The following BRSK1 variants were observed in gnomAD, a reference collection of about 807,000 sequenced individuals.
The protein encoded by BRSK1 is serine/threonine-protein kinase BRSK1.
Under a neutral mutation model 86.2 loss-of-function variants are expected in BRSK1, and 17 were observed. The ratio of observed to expected loss-of-function variants is 0.20; its 90% CI spans 0.14 to 0.30. The LOEUF (loss-of-function observed/expected upper bound fraction) is 0.30, where lower values mean the gene tolerates loss of function less well. Ranked by LOEUF, BRSK1 falls within the 10% of genes least tolerant of loss-of-function variation. The pLI, the probability that BRSK1 is intolerant of heterozygous loss-of-function variation, is 1.00. For missense variants in BRSK1, 719 were observed against 1,071.9 expected (o/e 0.67, Z 4.60); for synonymous variants, 464 against 440.1 (o/e 1.05, Z -0.68).
In BRSK1 at chr19:55,312,125, A is replaced by C; in HGVS notation, c.*57A>C. The C allele has an allele frequency of 1.4e-6, 1 of 717,710 alleles. No individual in the cohort carries two copies. The highest frequency in any genetic ancestry group is 2.2e-6 in the Non-Finnish European group (1 of 451,826). 44.5% of individuals were successfully genotyped at this position (717,710 alleles called of 1,614,324 possible). On this transcript the variant is annotated 3_prime_UTR_variant, in exon 19 of 19. Coordinates refer to ENST00000309383, the MANE Select transcript of BRSK1 (RefSeq NM_032430.2). ...CTCCACCCCCCTTCCGTGCCCCCCA[A>C]CTGTGAATCTGTAAATAAGGCCCAA...
At position 55,310,239 on chromosome 19, in the gene BRSK1, G is replaced by A. The variant is rs1034991697; in HGVS notation, c.2179+1511G>A. On this transcript the variant is annotated intron_variant, in intron 18 of 18. Coordinates refer to ENST00000309383, the MANE Select transcript of BRSK1 (RefSeq NM_032430.2). This position sits in a 1 kb window ranked among gnomAD's most constrained non-coding sequence, Gnocchi z 5.0. ...GTCTCTGCAGGCTAACAGGGTGCCT[G>A]GAGGGCTGCACCTGGAGGCTCTCTG... 2.7e-4 allele frequency among the ~76,000 whole-genome samples: 41 copies of A among 152,206 alleles called. No homozygotes were observed. Among genetic ancestry groups the A allele is most frequent in the African/African-American group, 8.7e-4 (36 of 41,444 alleles).
chr19:55,291,451 G>A (rs2088404752), intron 4 of BRSK1, among the ~76,000 whole-genome samples: 2 of 152,172 alleles, frequency 1.3e-5, no homozygotes. Flanking sequence ...AGCTGTGGTA[G>A]GAGGATTGCT....
intron 4 of BRSK1, among the ~76,000 whole-genome samples, chr19:55,290,371 T>C (rs1394029395): frequency 6.6e-6 from 1 of 152,200 alleles, no homozygotes; most frequent in Non-Finnish European, 1.5e-5. Flanking sequence ...AACAATTTTT[T>C]ATTCTAGGAA....
Position 55,303,971 on chromosome 19 carries a change from CTG to C in BRSK1, c.1287-77_1287-76del. 3 of 1,533,230 alleles carry C rather than the reference CTG, an allele frequency of 2.0e-6. No individual in the cohort carries two copies. The highest frequency in any genetic ancestry group is 2.6e-6 in the Non-Finnish European group (3 of 1,135,652). 95.0% of individuals were successfully genotyped at this position (1,533,230 alleles called of 1,614,324 possible). On this transcript the variant is annotated intron_variant, in intron 12 of 18. Coordinates refer to ENST00000309383, the MANE Select transcript of BRSK1 (RefSeq NM_032430.2). This position sits in a 1 kb window ranked among gnomAD's most constrained non-coding sequence, Gnocchi z 5.1. ...GGCCTCATTTCCTCACCTGGAAGGA[CTG>C]TAGAAGTGAGGGAACATCTGTGGTT...
At chr19:55,307,986 G>A (rs928890519) in intron 17 of BRSK1, among the ~76,000 whole-genome samples, 2 of 150,200 alleles carry the variant, frequency 1.3e-5, no homozygotes, top group Non-Finnish European at 3.0e-5. Flanking sequence ...GACTTTCTCC[G>A]ATTTCTTTTT....
intron 7 of BRSK1, among the ~76,000 whole-genome samples, chr19:55,295,974 A>G (rs2088480840): frequency 6.6e-6 from 1 of 152,048 alleles, no homozygotes; most frequent in Admixed American, 6.6e-5. Flanking sequence ...ATCTAAAAAT[A>G]TATATATATA....
Position 55,294,990 on chromosome 19 carries a change from C to T in BRSK1, c.678+593C>T, listed in dbSNP as rs531452272. On this transcript the variant is annotated intron_variant, in intron 7 of 18. Coordinates refer to ENST00000309383, the MANE Select transcript of BRSK1 (RefSeq NM_032430.2). The surrounding 1 kb of genome is among the most constrained non-coding windows in gnomAD (Gnocchi z 4.9). ...CTAATTTTTGTATCTTTAGTAGAGA[C>T]GGGGTTTCACCATGTTGGCCAGGTT... Among the ~76,000 whole-genome samples the T allele has an allele frequency of 3.3e-5, 5 of 152,212 alleles. No individual in the cohort carries two copies. Among genetic ancestry groups the T allele is most frequent in the Middle Eastern group, 3.4e-3 (1 of 294 alleles).
Position 55,284,088 on chromosome 19 carries a change from G to C in BRSK1, c.-355G>C. 1.8e-6 allele frequency: 1 copy of C among 551,776 alleles called. No homozygotes were observed. Among genetic ancestry groups the C allele is most frequent in the Non-Finnish European group, 2.7e-6 (1 of 367,094 alleles). The allele number at this position is 551,776 out of a possible 1,614,324, so 34.2% of individuals were successfully genotyped here. On this transcript the variant is annotated 5_prime_UTR_variant, in exon 1 of 19. Transcript: ENST00000309383. ...GGCGGAGGAGAGAGGGCGCGTGGGG[G>C]GGCGGGGGGGACCTCGGCCTGCAGC...
chr19:55,284,666 G>C lies in BRSK1; in HGVS notation c.136+88G>C, dbSNP rs535930995. 15 of 1,146,570 alleles carry C rather than the reference G, an allele frequency of 1.3e-5. No homozygotes were observed. In the East Asian group the frequency reaches 4.8e-4, roughly 37 times the overall value. 71.0% of individuals were successfully genotyped at this position (1,146,570 alleles called of 1,614,324 possible). A position where few individuals can be genotyped will look rare whatever the true frequency, so the allele number is the denominator to read the frequency against. On this transcript the variant is annotated intron_variant, in intron 1 of 18. Transcript: ENST00000309383. The stretch of plus-strand genomic sequence containing the variant: ...GACTCAGGGTATTCAAATGGCAGGG[G>C]CTGGCTGCCCAGACCCCTGGGCCCC...
At position 55,302,182 on chromosome 19, in the gene BRSK1, A is replaced by G. The variant is rs1459818763; in HGVS notation, c.857+14A>G. ...TCCTTGGTACCTGTGAGTATGGGGT[A>G]ACTGGACTCTTGGGTCCCTGGCGGA... On this transcript the variant is annotated intron_variant, in intron 9 of 18. Transcript: ENST00000309383. The surrounding 1 kb of genome is among the most constrained non-coding windows in gnomAD (Gnocchi z 6.3). 1.9e-6 allele frequency: 3 copies of G among 1,614,084 alleles called. No homozygotes were observed. The highest frequency in any genetic ancestry group is 2.2e-5 in the South Asian group (2 of 91,084).
intron 1 of BRSK1, 61 bp downstream of exon 1, chr19:55,284,639 G>A (rs2088281091): frequency 3.2e-6 from 4 of 1,245,410 alleles, no homozygotes; most frequent in East Asian, 3.2e-5. Context: ...CGGCAGAGGC[G>A]GGACTCAGGG....
chr19:55,284,381 G>C lies in BRSK1; in HGVS notation c.-62G>C, dbSNP rs2088276644. Reference sequence around the variant, plus strand: ...AGCGGTCGCCGGCCCCCACCGGAGAGACGGGGCGACGGCCGCAGGGGGGGC... The same window carrying C: ...AGCGGTCGCCGGCCCCCACCGGAGACACGGGGCGACGGCCGCAGGGGGGGC... On this transcript the variant is annotated 5_prime_UTR_variant, in exon 1 of 19. Transcript: ENST00000309383. The C allele has an allele frequency of 1.2e-6, 1 of 866,890 alleles. No homozygotes were observed. Among genetic ancestry groups the C allele is most frequent in the African/African-American group, 5.4e-5 (1 of 18,426 alleles). 53.7% of individuals were successfully genotyped at this position (866,890 alleles called of 1,614,324 possible). A position where few individuals can be genotyped will look rare whatever the true frequency, so the allele number is the denominator to read the frequency against.
In BRSK1 at chr19:55,284,390, A is replaced by AC. The variant is rs201695409; in HGVS notation, c.-52dup. 1 allele frequency: 1,049,848 copies of AC among 1,050,180 alleles called. 524,758 individuals carry two copies. Among genetic ancestry groups the AC allele is most frequent in the Middle Eastern group, 1 (2,786 of 2,786 alleles). The allele number at this position is 1,050,180 out of a possible 1,614,324, so 65.1% of individuals were successfully genotyped here. ...CGGCCCCCACCGGAGAGACGGGGCG[A>AC]CGGCCGCAGGGGGGGCGGCCGGGGG... On this transcript the variant is annotated 5_prime_UTR_variant, in exon 1 of 19. Coordinates refer to ENST00000309383, the MANE Select transcript of BRSK1 (RefSeq NM_032430.2).
chr19:55,291,034 A>T (rs12979567), intron 4 of BRSK1, among the ~76,000 whole-genome samples: 22,429 of 152,056 alleles, frequency 0.15, 1,875 homozygotes, highest in Middle Eastern at 0.21. Flanking sequence ...TTGTATAGTT[A>T]TAGCTCTTGC....
chr19:55,297,249 G>C (rs1433638981), intron 7 of BRSK1, among the ~76,000 whole-genome samples: 1 of 151,722 alleles, frequency 6.6e-6, no homozygotes, highest in Non-Finnish European at 1.5e-5. Flanking sequence ...GCTAATTTTT[G>C]TATTTTTAGT....
Position 55,287,104 on chromosome 19 carries a change from G to A in BRSK1, c.231+3G>A, listed in dbSNP as rs753338237. ...TGTCGGAGTCGGTGCTGATGAAGGT[G>A]TGTGCGCCTGCTGCAGTGTGCCTGC... is the stretch of plus-strand genomic sequence containing the variant. On this transcript the variant is annotated splice_donor_region_variant and intron_variant, in intron 2 of 18. Coordinates refer to ENST00000309383, the MANE Select transcript of BRSK1 (RefSeq NM_032430.2). This position sits in a 1 kb window ranked among gnomAD's most constrained non-coding sequence, Gnocchi z 5.3. 9 of 1,613,128 alleles carry A rather than the reference G, an allele frequency of 5.6e-6. No individual in the cohort carries two copies. Among genetic ancestry groups the A allele is most frequent in the East Asian group, 2.2e-5 (1 of 44,742 alleles).
intron 7 of BRSK1, among the ~76,000 whole-genome samples, chr19:55,297,058 A>C (rs1303629839): frequency 1.3e-5 from 2 of 152,158 alleles, no homozygotes; most frequent in Non-Finnish European, 2.9e-5. Flanking sequence ...AAAGAAAAAG[A>C]ATACATAAGT....
intron 1 of BRSK1, 92 bp downstream of exon 1, chr19:55,284,670 G>T: frequency 2.7e-5 from 30 of 1,115,102 alleles, no homozygotes; most frequent in Non-Finnish European, 3.5e-5. Flanking sequence ...GCAGGGGCTG[G>T]CTGCCCAGAC....
chr19:55,294,205 C>G lies in BRSK1; in HGVS notation c.576-9C>G. ...CTGGCTGGAGGCTCACATCAGCTCT[C>G]TCCCTCAGGTCCCCCCATTATGCGT... is the stretch of plus-strand genomic sequence containing the variant. On this transcript the variant is annotated splice_polypyrimidine_tract_variant and intron_variant, in intron 5 of 18. Transcript: ENST00000309383. This position sits in a 1 kb window ranked among gnomAD's most constrained non-coding sequence, Gnocchi z 4.9. 3 of 1,613,634 alleles carry G rather than the reference C, an allele frequency of 1.9e-6. No homozygotes were observed. The highest frequency in any genetic ancestry group is 1.7e-4 in the Middle Eastern group (1 of 6,058).
Sources: allele counts gnomAD v4.1 joint callset (sites outside exome capture counted in the v4.1 genomes callset), GRCh38; gene constraint gnomAD v4.1.1; non-coding constraint Gnocchi (gnomAD v3.1); transcripts MANE v1.5; gene names NCBI Gene and HGNC (gene_info 2026-07-23, HGNC 2026-07-21).